The following PPA2 variants were observed in gnomAD, a reference collection of about 807,000 sequenced individuals.
PPA2 encodes the protein inorganic pyrophosphatase 2, mitochondrial.
In PPA2, 48 loss-of-function variants were observed where a neutral mutation model predicts 49.5. The ratio of observed to expected loss-of-function variants is 0.97; its 90% CI spans 0.77 to 1.23. The LOEUF is 1.23. PPA2 is among the 50% of genes most tolerant of loss of function. The pLI, the probability that PPA2 is intolerant of heterozygous loss-of-function variation, is 0.00. For synonymous variants in PPA2, 131 were observed against 139.9 expected (o/e 0.94, Z 0.45); for missense variants, 429 against 410.1 (o/e 1.05, Z -0.40).
chr4:105,431,691 A>G (rs770679324), intron 6 of PPA2, among the ~76,000 whole-genome samples: 11 of 152,242 alleles, frequency 7.2e-5, no homozygotes, highest in Non-Finnish European at 1.5e-4. Context: ...ATGCCCATCA[A>G]CTAATGAATG....
chr4:105,464,057 T>G (rs151208902), intron 1 of PPA2, among the ~76,000 whole-genome samples: 1 of 152,074 alleles, frequency 6.6e-6, no homozygotes, highest in South Asian at 2.1e-4. Context: ...GATCCACCAA[T>G]AGCTTCCACC....
intron 10 of PPA2, among the ~76,000 whole-genome samples, chr4:105,385,877 C>G (rs1276740339): frequency 7.3e-6 from 1 of 137,926 alleles, no homozygotes; most frequent in Non-Finnish European, 1.6e-5. Context: ...ATTTTATTTT[C>G]AATTTTTTTT....
intron 7 of PPA2, chr4:105,405,255 T>C: frequency 1.4e-6 from 1 of 730,502 alleles, no homozygotes; most frequent in East Asian, 1.3e-4. Context: ...AAAAATAACA[T>C]ATATAAAAAG....
chr4:105,384,062 C>T (rs1178390799), intron 10 of PPA2, among the ~76,000 whole-genome samples: 1 of 152,124 alleles, frequency 6.6e-6, no homozygotes, highest in Non-Finnish European at 1.5e-5. Flanking sequence ...CAAAGAATTT[C>T]ATTATAACAA....
At chr4:105,370,940 A>T (rs950523974) in intron 10 of PPA2, 67 bp from the exon 11 acceptor site, 2 of 1,370,412 alleles carry the variant, frequency 1.5e-6, no homozygotes, top group Non-Finnish European at 1.9e-6. Context: ...GCGCATCCAG[A>T]AGTTTTTTCA....
chr4:105,453,561 A>G (rs771855436), intron 3 of PPA2, 37 bp downstream of exon 3: 8 of 1,499,838 alleles, frequency 5.3e-6, no homozygotes, highest in Admixed American at 1.9e-5. Context: ...CAGACAATAT[A>G]AAAGTGATTC....
chr4:105,374,075 G>T (rs1733140347), intron 10 of PPA2, among the ~76,000 whole-genome samples: 2 of 152,150 alleles, frequency 1.3e-5, no homozygotes, highest in South Asian at 4.2e-4. Context: ...ACTCTCAGGG[G>T]ATACTATGAT....
chr4:105,388,352 T>C (rs2110378546), intron 9 of PPA2, among the ~76,000 whole-genome samples: 1 of 152,194 alleles, frequency 6.6e-6, no homozygotes, highest in South Asian at 2.1e-4. Context: ...TGAATAGGAA[T>C]ATTAGAAAAG....
chr4:105,432,018 G>A (rs1723824586), intron 6 of PPA2, among the ~76,000 whole-genome samples: 1 of 152,156 alleles, frequency 6.6e-6, no homozygotes, highest in Non-Finnish European at 1.5e-5. Flanking sequence ...GGTGATGGTT[G>A]TACAACACTG....
intron 8 of PPA2, 187 bp downstream of exon 8, chr4:105,398,850 T>A: frequency 2.0e-6 from 1 of 489,268 alleles, no homozygotes; most frequent in Non-Finnish European, 3.4e-6. Context: ...TTCAGCCTTG[T>A]TGATTCACTT....
At chr4:105,400,590 G>A (rs1343178144) in intron 7 of PPA2, among the ~76,000 whole-genome samples, 2 of 152,120 alleles carry the variant, frequency 1.3e-5, no homozygotes, top group African/African-American at 2.4e-5. Context: ...CCAAGATCAC[G>A]CCATTGCACT....
chr4:105,408,333 T>C (rs556614768), intron 7 of PPA2, among the ~76,000 whole-genome samples: 2 of 152,202 alleles, frequency 1.3e-5, no homozygotes, highest in African/African-American at 4.8e-5. Flanking sequence ...TGTGCATGGC[T>C]AGGAAAAAAA....
At chr4:105,374,130 T>G (rs578248178) in intron 10 of PPA2, among the ~76,000 whole-genome samples, 1 of 152,374 alleles carries the variant, frequency 6.6e-6, no homozygotes, top group African/African-American at 2.4e-5. Flanking sequence ...TTTAGTTACT[T>G]ACTTCTAAAT....
chr4:105,379,503 G>A (rs1248047150), intron 10 of PPA2, among the ~76,000 whole-genome samples: 1 of 151,548 alleles, frequency 6.6e-6, no homozygotes, highest in Admixed American at 6.6e-5. Context: ...GGCTCTTGTT[G>A]CCCAGGCTGG....
At chr4:105,378,383 T>G (rs894434445) in intron 10 of PPA2, among the ~76,000 whole-genome samples, 1 of 152,196 alleles carries the variant, frequency 6.6e-6, no homozygotes, top group Non-Finnish European at 1.5e-5. Context: ...AAAAATTCTA[T>G]TTTTGGGTCA....
intron 10 of PPA2, among the ~76,000 whole-genome samples, chr4:105,383,377 T>G (rs1844656): frequency 0.39 from 60,009 of 152,070 alleles, 13,213 homozygotes; most frequent in East Asian, 0.68. Context: ...ATCATCAATT[T>G]GTTAGTTTAT....
chr4:105,423,035 A>G lies in PPA2; in HGVS notation c.655+1161T>C, dbSNP rs1192703417. Reference sequence around the variant, plus strand: ...TGCTAAAAAATGTTTTTAACTAAATAAAATTTATTTACTGTTCTCATATAT... The same window carrying G: ...TGCTAAAAAATGTTTTTAACTAAATGAAATTTATTTACTGTTCTCATATAT... On this transcript the variant is annotated intron_variant, in intron 7 of 11. Coordinates refer to ENST00000341695, the MANE Select transcript of PPA2 (RefSeq NM_176869.3). 2.0e-5 allele frequency among the ~76,000 whole-genome samples: 3 copies of G among 152,320 alleles called. No homozygotes were observed. In the East Asian group the frequency reaches 5.8e-4, roughly 29 times the overall value.
chr4:105,464,073 C>A (rs924973784), intron 1 of PPA2, among the ~76,000 whole-genome samples: 1 of 152,178 alleles, frequency 6.6e-6, no homozygotes, highest in Non-Finnish European at 1.5e-5. Context: ...CCACCATGCA[C>A]CCAGAAAAGC....
intron 6 of PPA2, among the ~76,000 whole-genome samples, chr4:105,426,360 A>C (rs1245304666): frequency 6.6e-6 from 1 of 152,160 alleles, no homozygotes; most frequent in Non-Finnish European, 1.5e-5. Context: ...CTCGGAGAGC[A>C]AGCCAAAGAA....
Sources: allele counts gnomAD v4.1 joint callset (sites outside exome capture counted in the v4.1 genomes callset), GRCh38; gene constraint gnomAD v4.1.1; transcripts MANE v1.5; gene names NCBI Gene and HGNC (gene_info 2026-07-23, HGNC 2026-07-21).